Variants in RALY observed in about 807,000 individuals in gnomAD.
The protein encoded by RALY is RALY heterogeneous nuclear ribonucleoprotein.
A neutral mutation model predicts 30.7 loss-of-function variants in RALY; 15 were observed. The observed-to-expected ratio is 0.49, with a 90% CI of 0.33 to 0.75. RALY has a LOEUF of 0.75. Ranked by LOEUF, RALY falls within the 30% of genes least tolerant of loss-of-function variation. RALY has a pLI of 0.02. For missense variants in RALY, 339 were observed against 414.3 expected (o/e 0.82, Z 1.58); for synonymous variants, 177 against 170.8 (o/e 1.04, Z -0.28).
chr20:34,051,685 C>A (rs572736570), intron 2 of RALY, among the ~76,000 whole-genome samples: 1 of 152,020 alleles, frequency 6.6e-6, no homozygotes, highest in Non-Finnish European at 1.5e-5. Context: ...AAGCTCCGCC[C>A]CCTGGGTTCA....
At chr20:34,079,257 C>G (rs990680773) in intron 9 of RALY, among the ~76,000 whole-genome samples, 1 of 152,166 alleles carries the variant, frequency 6.6e-6, no homozygotes, top group Non-Finnish European at 1.5e-5. Flanking sequence ...GATGTGGAAA[C>G]AGACACTAAA....
At chr20:34,071,632 C>G (rs1320258120) in intron 2 of RALY, among the ~76,000 whole-genome samples, 1 of 152,026 alleles carries the variant, frequency 6.6e-6, no homozygotes, top group Non-Finnish European at 1.5e-5. Flanking sequence ...TTGCAAATAC[C>G]ATGTGACCAT....
At chr20:34,015,409 C>A (rs1328153492) in intron 1 of RALY, among the ~76,000 whole-genome samples, 1 of 151,900 alleles carries the variant, frequency 6.6e-6, no homozygotes, top group Non-Finnish European at 1.5e-5. Flanking sequence ...ATTTACCTTT[C>A]TCTACCTACT....
chr20:34,072,030 C>T (rs1338453102), intron 2 of RALY, 36 bp from the exon 3 acceptor site: 5 of 1,602,496 alleles, frequency 3.1e-6, no homozygotes, highest in East Asian at 4.5e-5. Context: ...GAGCCCAGCC[C>T]AGGGACCCAG....
intron 1 of RALY, among the ~76,000 whole-genome samples, chr20:34,014,704 A>G (rs2031540452): frequency 6.6e-6 from 1 of 152,234 alleles, no homozygotes. Flanking sequence ...TAAAATTAGA[A>G]TTGCCAATAC....
chr20:34,014,820 C>T (rs371671377), intron 1 of RALY: 73 of 152,264 alleles, frequency 4.8e-4, no homozygotes, highest in African/African-American at 1.7e-3. Flanking sequence ...GGTTGTTAAC[C>T]TTTACACAGT....
chr20:34,034,147 A>G (rs2032387471), intron 2 of RALY, among the ~76,000 whole-genome samples: 1 of 152,136 alleles, frequency 6.6e-6, no homozygotes, highest in Non-Finnish European at 1.5e-5. Flanking sequence ...TTTTGGCCCT[A>G]GGTTCCCTGC....
At chr20:34,053,673 A>G (rs564885028) in intron 2 of RALY, among the ~76,000 whole-genome samples, 3 of 152,290 alleles carry the variant, frequency 2.0e-5, no homozygotes, top group Non-Finnish European at 4.4e-5. Flanking sequence ...TTAGGATTAC[A>G]GGCGTGAGCC....
rs2033798345 is a variant in RALY at position 34,073,812 on chromosome 20, TC to T, written c.330-3del. 6.2e-7 allele frequency: 1 copy of T among 1,614,024 alleles called. No individual in the cohort carries two copies. Among genetic ancestry groups the T allele is most frequent in the Non-Finnish European group, 8.5e-7 (1 of 1,179,932 alleles). ...AAGCTCCAGCCCTCTCCCCTTTGTT[TC>T]CCCAGTGGCTACATCTTTGACTATG... On this transcript the variant is annotated splice_region_variant and splice_polypyrimidine_tract_variant and intron_variant, in intron 4 of 9. Coordinates refer to ENST00000246194, the MANE Select transcript of RALY (RefSeq NM_016732.3).
intron 1 of RALY, among the ~76,000 whole-genome samples, chr20:34,006,171 C>T (rs894049233): frequency 2.0e-5 from 3 of 152,152 alleles, no homozygotes; most frequent in African/African-American, 7.2e-5. Context: ...TACACAAAAT[C>T]GAATAGGTTA....
intron 5 of RALY, among the ~76,000 whole-genome samples, 196 bp from the exon 6 acceptor site, chr20:34,075,678 G>C (rs1028076143): frequency 2.0e-5 from 3 of 152,134 alleles, no homozygotes; most frequent in Admixed American, 1.3e-4. Flanking sequence ...GTTGTAGTGA[G>C]GTAGTGAGGA....
rs200691795 is a variant in RALY, at chr20:34,036,139, T to TA, written c.-10+4548dup. On this transcript the variant is annotated intron_variant, in intron 2 of 9. Coordinates refer to ENST00000246194, the MANE Select transcript of RALY (RefSeq NM_016732.3). ...AGGAATGACATAATCTGACATCCAT[T>TA]AAAAAAAAAAAAATTCCCCTGCCTA... 5.4e-3 allele frequency among the ~76,000 whole-genome samples: 783 copies of TA among 144,742 alleles called. 8 individuals carry two copies. Among genetic ancestry groups the TA allele is most frequent in the East Asian group, 0.045 (228 of 5,050 alleles). 95.0% of individuals were successfully genotyped at this position (144,742 alleles called of 152,430 possible).
At chr20:33,997,670 A>C (rs748499088) in intron 1 of RALY, among the ~76,000 whole-genome samples, 1 of 152,200 alleles carries the variant, frequency 6.6e-6, no homozygotes, top group Non-Finnish European at 1.5e-5. Context: ...ATGTTTATGG[A>C]TACTCACTGC....
chr20:34,050,953 A>G (rs1470710451), intron 2 of RALY, among the ~76,000 whole-genome samples: 1 of 152,190 alleles, frequency 6.6e-6, no homozygotes, highest in Non-Finnish European at 1.5e-5. Context: ...CTAGAGAGTA[A>G]TCAATACTGA....
At chr20:34,073,713 G>A in intron 4 of RALY, 78 bp downstream of exon 4, 6 of 1,543,418 alleles carry the variant, frequency 3.9e-6, no homozygotes, top group Non-Finnish European at 5.4e-6. Context: ...TGGTGTGACA[G>A]TGTGCTGAAT....
intron 1 of RALY, among the ~76,000 whole-genome samples, chr20:34,010,986 C>T (rs2031375316): frequency 7.7e-6 from 1 of 130,136 alleles, no homozygotes; most frequent in Middle Eastern, 5.4e-3. Flanking sequence ...TTTCCCAGAG[C>T]CTGGCATAGG....
chr20:34,079,113 G>A (rs2122340279), intron 9 of RALY, among the ~76,000 whole-genome samples: 1 of 152,310 alleles, frequency 6.6e-6, no homozygotes, highest in South Asian at 2.1e-4. Flanking sequence ...ATTGTGAAGG[G>A]CCGTATGTGT....
intron 1 of RALY, among the ~76,000 whole-genome samples, chr20:34,010,647 A>C (rs140562915): frequency 2.2e-4 from 33 of 152,288 alleles, no homozygotes; most frequent in Middle Eastern, 3.4e-3. Context: ...TTTCCATGAC[A>C]ACTGATCCTG....
At chr20:34,035,962 T>G (rs534497448) in intron 2 of RALY, among the ~76,000 whole-genome samples, 8 of 152,304 alleles carry the variant, frequency 5.3e-5, no homozygotes, top group African/African-American at 1.9e-4. Flanking sequence ...TGCTTCTTGA[T>G]TCTAAGGAAC....
Sources: gnomAD v4.1 joint callset for allele counts (sites outside exome capture counted in the v4.1 genomes callset) on GRCh38, gnomAD v4.1.1 for gene constraint, MANE v1.5 for transcripts, NCBI Gene and HGNC (gene_info 2026-07-23, HGNC 2026-07-21) for gene names.